PCSK6: variants seen among roughly 807,000 people sequenced by gnomAD.
The protein encoded by PCSK6 is paired basic amino acid cleaving enzyme 4.
Under a neutral mutation model 123.3 loss-of-function variants are expected in PCSK6, and 85 were observed. That is an observed-to-expected ratio of 0.69 (90% confidence interval 0.58 to 0.83). PCSK6 has a LOEUF of 0.83. PCSK6 is among the 40% of genes least tolerant of loss of function. The pLI is 0.00. For synonymous variants in PCSK6, 508 were observed against 516.0 expected (o/e 0.98, Z 0.21); for missense variants, 1,191 against 1,282.3 (o/e 0.93, Z 1.09).
intron 15 of PCSK6, 134 bp from the exon 16 acceptor site, chr15:101,326,613 G>T: frequency 1.2e-6 from 1 of 804,414 alleles, no homozygotes; most frequent in Non-Finnish European, 2.0e-6. Flanking sequence ...GGGGCTGGAC[G>T]GCCAGACGAC....
chr15:101,363,531 G>A (rs1006661169), intron 13 of PCSK6, among the ~76,000 whole-genome samples: 2 of 152,176 alleles, frequency 1.3e-5, no homozygotes, highest in African/African-American at 2.4e-5. Context: ...ATACACTTTG[G>A]GGCTTTTAAA....
intron 6 of PCSK6, among the ~76,000 whole-genome samples, chr15:101,399,489 A>G (rs2042522715): frequency 6.6e-6 from 1 of 152,034 alleles, no homozygotes; most frequent in Non-Finnish European, 1.5e-5. Context: ...GAGCACCCCA[A>G]AAAGAGAGGG....
intron 11 of PCSK6, among the ~76,000 whole-genome samples, chr15:101,372,093 A>G (rs1305909810): frequency 1.3e-5 from 2 of 152,184 alleles, no homozygotes; most frequent in African/African-American, 4.8e-5. Context: ...AGGCTGGACC[A>G]TCCTGCCAAT....
At chr15:101,468,704 C>A (rs547912804) in intron 1 of PCSK6, among the ~76,000 whole-genome samples, 88 of 152,304 alleles carry the variant, frequency 5.8e-4, no homozygotes, top group African/African-American at 2.0e-3. Flanking sequence ...CATCCACGTC[C>A]TTGATGCTGG....
chr15:101,405,199 T>C (rs1424265557), intron 6 of PCSK6, among the ~76,000 whole-genome samples: 8 of 152,206 alleles, frequency 5.3e-5, no homozygotes, highest in African/African-American at 1.4e-4. Flanking sequence ...AAAACAGTAA[T>C]GATTTCTCTA....
intron 7 of PCSK6, among the ~76,000 whole-genome samples, chr15:101,396,164 A>C (rs1317842346): frequency 6.6e-6 from 1 of 152,170 alleles, no homozygotes; most frequent in Non-Finnish European, 1.5e-5. Flanking sequence ...AAAAAAATCA[A>C]ATGACCTCAG....
intron 13 of PCSK6, among the ~76,000 whole-genome samples, chr15:101,342,750 A>G (rs1189676516): frequency 1.3e-5 from 2 of 152,184 alleles, no homozygotes; most frequent in Non-Finnish European, 2.9e-5. Context: ...AAAAGTACAC[A>G]AATTAGCTGG....
intron 13 of PCSK6, among the ~76,000 whole-genome samples, chr15:101,364,444 A>G (rs1425112792): frequency 6.6e-6 from 1 of 152,232 alleles, no homozygotes; most frequent in Non-Finnish European, 1.5e-5. Context: ...GGTACTTAAT[A>G]AAGACTAGTT....
intron 1 of PCSK6, among the ~76,000 whole-genome samples, chr15:101,450,001 C>T (rs551864427): frequency 3.9e-5 from 6 of 152,252 alleles, no homozygotes; most frequent in African/African-American, 7.2e-5. Flanking sequence ...ACTTCCACCA[C>T]GCCAGAGCAG....
intron 17 of PCSK6, 63 bp downstream of exon 17, chr15:101,324,787 G>C: frequency 4.4e-6 from 6 of 1,370,866 alleles, no homozygotes; most frequent in Non-Finnish European, 6.1e-6. Context: ...CTGGAGAGAG[G>C]ACACGGGCCC....
chr15:101,473,882 A>ATAAG (rs143660965), intron 1 of PCSK6, among the ~76,000 whole-genome samples: 96,097 of 150,756 alleles, frequency 0.64, 31,791 homozygotes, highest in Non-Finnish European at 0.74. Context: ...TCTCAAATAA[A>ATAAG]TAAGTAAATA....
intron 17 of PCSK6, among the ~76,000 whole-genome samples, chr15:101,324,264 C>T (rs2040197213): frequency 6.6e-6 from 1 of 152,222 alleles, no homozygotes; most frequent in African/African-American, 2.4e-5. Context: ...GCCCAACTGA[C>T]GTTGGTCAGC....
chr15:101,407,690 C>T (rs1294047224), intron 6 of PCSK6, among the ~76,000 whole-genome samples: 1 of 152,194 alleles, frequency 6.6e-6, no homozygotes, highest in Non-Finnish European at 1.5e-5. Flanking sequence ...CCACAGAAAC[C>T]ACCACAAGGC....
chr15:101,443,726 CCCA>C, intron 1 of PCSK6, 66 bp from the exon 2 acceptor site: 1 of 1,167,738 alleles, frequency 8.6e-7, no homozygotes, highest in Non-Finnish European at 1.3e-6. Context: ...AATCTTCCAC[CCCA>C]CAAGAATCTC....
At chr15:101,390,413 TG>T (rs1428523620) in intron 8 of PCSK6, among the ~76,000 whole-genome samples, 1 of 110,032 alleles carries the variant, frequency 9.1e-6, no homozygotes, top group Non-Finnish European at 2.0e-5. Context: ...GAGTTAAGGT[TG>T]GTAGCCAGCC....
chr15:101,372,310 G>T (rs2041609393), intron 11 of PCSK6, among the ~76,000 whole-genome samples: 2 of 152,336 alleles, frequency 1.3e-5, no homozygotes, highest in Non-Finnish European at 1.5e-5. Flanking sequence ...GAGGCATGAG[G>T]CGTTCTGCTC....
At chr15:101,441,846 G>A (rs749522475) in intron 2 of PCSK6, among the ~76,000 whole-genome samples, 4 of 152,144 alleles carry the variant, frequency 2.6e-5, no homozygotes, top group Admixed American at 1.3e-4. Context: ...TTCTTCACAC[G>A]GCAGATCAAG....
At chr15:101,389,634 G>C in intron 8 of PCSK6, 70 bp from the exon 9 acceptor site, 1 of 1,250,128 alleles carries the variant, frequency 8.0e-7, no homozygotes, top group South Asian at 1.3e-5. Flanking sequence ...AGAAGGCTGG[G>C]CTACTTCAGG....
At chr15:101,411,026 C>T (rs931007677) in intron 6 of PCSK6, among the ~76,000 whole-genome samples, 1 of 152,228 alleles carries the variant, frequency 6.6e-6, no homozygotes, top group African/African-American at 2.4e-5. Context: ...GCCTACCTCT[C>T]CCCAGGGCCT....
Sources: allele counts gnomAD v4.1 joint callset (sites outside exome capture counted in the v4.1 genomes callset), GRCh38; gene constraint gnomAD v4.1.1; transcripts MANE v1.5; gene names NCBI Gene and HGNC (gene_info 2026-07-23, HGNC 2026-07-21).